The following DIP2C variants were observed in gnomAD, a reference collection of about 807,000 sequenced individuals.
DIP2C encodes DIP2 acetate--CoA ligase C (putative).
Under a neutral mutation model 192.4 loss-of-function variants are expected in DIP2C, and 33 were observed. The observed-to-expected ratio is 0.17, with a 90% CI of 0.13 to 0.23. The LOEUF (loss-of-function observed/expected upper bound fraction) is 0.23, where lower values mean the gene tolerates loss of function less well. Ranked by LOEUF, DIP2C falls within the 10% of genes least tolerant of loss-of-function variation. DIP2C has a pLI of 1.00. For missense variants in DIP2C, 1,537 were observed against 2,110.1 expected (o/e 0.73, Z 5.32); for synonymous variants, 979 against 864.1 (o/e 1.13, Z -2.33).
chr10:529,240 A>G (rs1380357901), intron 1 of DIP2C, among the ~76,000 whole-genome samples: 1 of 152,170 alleles, frequency 6.6e-6, no homozygotes, highest in African/African-American at 2.4e-5. Flanking sequence ...GTGAGCACTT[A>G]TGGACTGGGT....
At chr10:530,496 G>T (rs933546245) in intron 1 of DIP2C, among the ~76,000 whole-genome samples, 39 of 151,956 alleles carry the variant, frequency 2.6e-4, no homozygotes, top group Non-Finnish European at 4.4e-5. Context: ...GGTGAGAGGA[G>T]TAGGGTTTTT....
chr10:345,489 GCA>G (rs1403321754), intron 26 of DIP2C, among the ~76,000 whole-genome samples: 3 of 139,706 alleles, frequency 2.1e-5, no homozygotes, highest in Non-Finnish European at 4.6e-5. Flanking sequence ...GGCACATCGC[GCA>G]CAGTTCTCCC....
rs1438296193 is a variant in DIP2C at position 559,339 on chromosome 10, A to ACAC, written c.86-72810_86-72809insGTG. Among the ~76,000 whole-genome samples, 10 of 152,048 alleles carry ACAC rather than the reference A, an allele frequency of 6.6e-5. No homozygotes were observed. The East Asian group carries it at 1.9e-3, about 29-fold the overall frequency. On this transcript the variant is annotated intron_variant, in intron 1 of 36. Coordinates refer to ENST00000280886, the MANE Select transcript of DIP2C (RefSeq NM_014974.3). ...GGGGGCGGTGGGGAACGCCGGGGGA[A>ACAC]CGCCGGGGGAAGCCCCACACAAGCT...
intron 1 of DIP2C, among the ~76,000 whole-genome samples, chr10:554,988 C>A (rs987313417): frequency 1.3e-5 from 2 of 152,058 alleles, no homozygotes; most frequent in African/African-American, 4.8e-5. Flanking sequence ...TGGAGTCTCA[C>A]AGTACAGAAA....
chr10:563,504 G>A (rs187628107), intron 1 of DIP2C, among the ~76,000 whole-genome samples: 20 of 152,268 alleles, frequency 1.3e-4, no homozygotes, highest in South Asian at 1.2e-3. Context: ...GGCATACAGT[G>A]TACGTCAACA....
chr10:568,455 G>C (rs1429075555), intron 1 of DIP2C, among the ~76,000 whole-genome samples: 1 of 152,158 alleles, frequency 6.6e-6, no homozygotes, highest in Non-Finnish European at 1.5e-5. Context: ...ATTTAAGCCT[G>C]TAACAAGCTT....
intron 1 of DIP2C, among the ~76,000 whole-genome samples, chr10:615,145 C>T (rs181180878): frequency 2.6e-5 from 4 of 152,360 alleles, no homozygotes; most frequent in African/African-American, 9.6e-5. Context: ...CGTGACACTT[C>T]TCGGAGAGAG....
intron 1 of DIP2C, among the ~76,000 whole-genome samples, chr10:595,866 G>A (rs1307073103): frequency 6.6e-6 from 1 of 152,240 alleles, no homozygotes; most frequent in Admixed American, 6.5e-5. Context: ...ATAATCTGAG[G>A]CCTGACAGCC....
intron 31 of DIP2C, chr10:311,543 G>A (rs1378189239): frequency 9.7e-6 from 12 of 1,232,272 alleles, no homozygotes; most frequent in South Asian, 4.1e-5. Context: ...CTACCTGCTC[G>A]GCCAGGGTCC....
At chr10:657,192 GCTGGACCTGCCGCTGGACTTGACC>G (rs1856402702) in intron 1 of DIP2C, among the ~76,000 whole-genome samples, 3 of 124,354 alleles carry the variant, frequency 2.4e-5, no homozygotes, top group African/African-American at 9.1e-5. Flanking sequence ...TGGACCTGAT[GCTGGACCTGCCGCTGGACTTGACC>G]CTGGACCTGC....
intron 31 of DIP2C, among the ~76,000 whole-genome samples, chr10:315,519 T>C (rs1024867134): frequency 1.3e-5 from 2 of 152,226 alleles, no homozygotes; most frequent in Admixed American, 6.5e-5. Flanking sequence ...ACCACTCCAC[T>C]GTATTCTGGC....
At chr10:438,739 C>T (rs1967478681) in intron 4 of DIP2C, among the ~76,000 whole-genome samples, 1 of 152,168 alleles carries the variant, frequency 6.6e-6, no homozygotes, top group East Asian at 1.9e-4. Flanking sequence ...AATCTGCCTG[C>T]CTTGGCTTCC....
intron 1 of DIP2C, chr10:631,119 T>A (rs1272599484): frequency 6.6e-6 from 1 of 152,260 alleles, no homozygotes; most frequent in African/African-American, 2.4e-5. Flanking sequence ...CTGACTCAAT[T>A]AATTCAAACG....
chr10:635,089 G>A (rs554790279), intron 1 of DIP2C, among the ~76,000 whole-genome samples: 1 of 152,314 alleles, frequency 6.6e-6, no homozygotes, highest in South Asian at 2.1e-4. Flanking sequence ...AGAACAGAGA[G>A]AGGATTCCAC....
intron 1 of DIP2C, among the ~76,000 whole-genome samples, chr10:674,781 T>TAGAGAG (rs1222734142): frequency 4.1e-5 from 4 of 98,064 alleles, no homozygotes; most frequent in African/African-American, 2.2e-4. Flanking sequence ...AATATATATA[T>TAGAGAG]ATATATATAG....
At chr10:596,387 T>C (rs1385584879) in intron 1 of DIP2C, among the ~76,000 whole-genome samples, 3 of 147,744 alleles carry the variant, frequency 2.0e-5, no homozygotes, top group Non-Finnish European at 4.4e-5. Flanking sequence ...TCCCAGCTAC[T>C]TGGGAGGCTA....
rs149180950 is a variant in DIP2C at position 356,781 on chromosome 10, C to A, written c.2905-275G>T. Among the ~76,000 whole-genome samples, 45 of 152,254 alleles carry A rather than the reference C, an allele frequency of 3.0e-4. No homozygotes were observed. In the South Asian group the frequency reaches 8.7e-3, roughly 30 times the overall value. On this transcript the variant is annotated intron_variant, in intron 23 of 36. Transcript: ENST00000280886. ...CACAAAGCAAAGGGCTGGTGCTGCA[C>A]CCTGGTGTGAGAAGTTTTCTGAAAG...
chr10:575,963 C>CCT (rs897191968), intron 1 of DIP2C, among the ~76,000 whole-genome samples: 3 of 152,252 alleles, frequency 2.0e-5, no homozygotes, highest in African/African-American at 7.2e-5. Flanking sequence ...ACATCCCCCA[C>CCT]CTCCTTGCAG....
At chr10:670,108 G>A (rs561568586) in intron 1 of DIP2C, among the ~76,000 whole-genome samples, 2 of 152,022 alleles carry the variant, frequency 1.3e-5, no homozygotes, top group African/African-American at 4.8e-5. Flanking sequence ...ACATCCACAC[G>A]TGTACATATG....
Sources: allele counts gnomAD v4.1 joint callset (sites outside exome capture counted in the v4.1 genomes callset), GRCh38; gene constraint gnomAD v4.1.1; transcripts MANE v1.5; gene names NCBI Gene and HGNC (gene_info 2026-07-23, HGNC 2026-07-21).